Variants in DIP2B observed in about 807,000 individuals in gnomAD.
The protein encoded by DIP2B is disco-interacting protein 2 homolog B.
In DIP2B, 76 loss-of-function variants were observed where a neutral mutation model predicts 198.0. That is an observed-to-expected ratio of 0.38 (90% confidence interval 0.32 to 0.46). The LOEUF (loss-of-function observed/expected upper bound fraction) is 0.46, where lower values mean the gene tolerates loss of function less well. DIP2B is among the 20% of genes least tolerant of loss of function. DIP2B has a pLI of 0.99. For synonymous variants in DIP2B, 701 were observed against 739.1 expected (o/e 0.95, Z 0.84); for missense variants, 1,559 against 1,978.4 (o/e 0.79, Z 4.02).
At chr12:50,599,515 G>A (rs1958917803) in intron 1 of DIP2B, among the ~76,000 whole-genome samples, 1 of 152,038 alleles carries the variant, frequency 6.6e-6, no homozygotes, top group African/African-American at 2.4e-5. Context: ...TACTTGAAAG[G>A]CTGAGGCAGG....
At chr12:50,513,729 C>A (rs986953865) in intron 1 of DIP2B, among the ~76,000 whole-genome samples, 1 of 152,064 alleles carries the variant, frequency 6.6e-6, no homozygotes, top group Non-Finnish European at 1.5e-5. Flanking sequence ...CACAAACTAG[C>A]CGGGCATGGT....
rs369837896 is a variant in DIP2B at position 50,735,005 on chromosome 12, G to A, written c.4044-68G>A. On this transcript the variant is annotated intron_variant, in intron 33 of 37. Coordinates refer to ENST00000301180, the MANE Select transcript of DIP2B (RefSeq NM_173602.3). Reference sequence around the variant, plus strand: ...TTAGAGGTTGTGGGAAGGCAGCACCGAGCTGCAGGAACATGGCGACTTCTC... The same window carrying A: ...TTAGAGGTTGTGGGAAGGCAGCACCAAGCTGCAGGAACATGGCGACTTCTC... The A allele has an allele frequency of 1.3e-3, 2,003 of 1,583,554 alleles. 2 individuals are homozygous for A. The highest frequency in any genetic ancestry group is 1.6e-3 in the Non-Finnish European group (1,808 of 1,152,534).
rs759114514 is a variant in DIP2B at position 50,690,478 on chromosome 12, G to A, written c.1552-571G>A. 3.3e-5 allele frequency among the ~76,000 whole-genome samples: 5 copies of A among 152,252 alleles called. No individual in the cohort carries two copies. The East Asian group carries it at 7.7e-4, about 23-fold the overall frequency. On this transcript the variant is annotated intron_variant, in intron 12 of 37. Coordinates refer to ENST00000301180, the MANE Select transcript of DIP2B (RefSeq NM_173602.3). ...AGCTGGGAGGATTGCTTGAGCCCAG[G>A]AGTTCCAATCCAGCCTGGGCAACAT...
intron 1 of DIP2B, among the ~76,000 whole-genome samples, chr12:50,605,843 TG>T (rs1958976682): frequency 6.6e-6 from 1 of 152,150 alleles, no homozygotes; most frequent in South Asian, 2.1e-4. Context: ...TTTTTTTAGA[TG>T]GAGTTTCACT....
intron 1 of DIP2B, among the ~76,000 whole-genome samples, chr12:50,623,392 T>TACACACACACACAC (rs55689070): frequency 1.1e-5 from 1 of 94,400 alleles, no homozygotes; most frequent in African/African-American, 4.1e-5. Flanking sequence ...TATATGTATC[T>TACACACACACACAC]ACACACACAC....
At chr12:50,627,461 G>A (rs1565849993) in intron 2 of DIP2B, among the ~76,000 whole-genome samples, 1 of 152,112 alleles carries the variant, frequency 6.6e-6, no homozygotes, top group South Asian at 2.1e-4. Context: ...AGCCTCCTGA[G>A]TAGCTGGAAC....
chr12:50,602,832 C>T (rs1269181518), intron 1 of DIP2B, among the ~76,000 whole-genome samples: 1 of 134,252 alleles, frequency 7.4e-6, no homozygotes, highest in Non-Finnish European at 1.5e-5. Flanking sequence ...GCACTCCAGC[C>T]TGGCAACAGA....
chr12:50,604,970 A>G (rs1031937625), intron 1 of DIP2B, among the ~76,000 whole-genome samples: 1 of 152,224 alleles, frequency 6.6e-6, no homozygotes, highest in Admixed American at 6.5e-5. Flanking sequence ...CACAGGAGAT[A>G]AGATACTCAT....
At position 50,671,177 on chromosome 12, in the gene DIP2B, T is replaced by A; in HGVS notation, c.428-9T>A. The A allele has an allele frequency of 6.2e-7, 1 of 1,613,372 alleles. No individual in the cohort carries two copies. The highest frequency in any genetic ancestry group is 8.5e-7 in the Non-Finnish European group (1 of 1,179,736). ...GATCGAGAACTTCTTTTTTTCTAAT[T>A]CCACACAGACACATCTTCGGCCTCT... On this transcript the variant is annotated splice_polypyrimidine_tract_variant and intron_variant, in intron 4 of 37. Coordinates refer to ENST00000301180, the MANE Select transcript of DIP2B (RefSeq NM_173602.3).
chr12:50,646,986 A>G (rs1938361572), intron 3 of DIP2B, among the ~76,000 whole-genome samples: 1 of 142,274 alleles, frequency 7.0e-6, no homozygotes, highest in Admixed American at 7.8e-5. Context: ...AAAATGTTAG[A>G]TTGATAGAGA....
intron 2 of DIP2B, among the ~76,000 whole-genome samples, chr12:50,630,667 T>TC (rs67407714): frequency 2.6e-5 from 2 of 77,268 alleles, no homozygotes; most frequent in East Asian, 5.6e-4. Flanking sequence ...TCTTTTCTTT[T>TC]TTTTTTTTTT....
chr12:50,623,529 GCACACA>G (rs146613951), intron 1 of DIP2B, among the ~76,000 whole-genome samples: 1 of 104,576 alleles, frequency 9.6e-6, no homozygotes, highest in African/African-American at 4.0e-5. Context: ...ACACACACAC[GCACACA>G]CACACACACA....
At chr12:50,613,594 G>A (rs1959049402) in intron 1 of DIP2B, among the ~76,000 whole-genome samples, 1 of 152,156 alleles carries the variant, frequency 6.6e-6, no homozygotes, top group Non-Finnish European at 1.5e-5. Flanking sequence ...ATACAGTGGG[G>A]TAAAAAGAGT....
At position 50,639,612 on chromosome 12, in the gene DIP2B, T is replaced by G. The variant is rs1175814527; in HGVS notation, c.173-1112T>G. ...GAGTCTTTTTTTTTTTTCCTTAATT[T>G]TTTTGCTTTATAGGCTGATTCTCAG... On this transcript the variant is annotated intron_variant, in intron 2 of 37. Transcript: ENST00000301180. Among the ~76,000 whole-genome samples the G allele has an allele frequency of 3.3e-5, 5 of 152,134 alleles. No individual in the cohort carries two copies. The East Asian group carries it at 9.6e-4, about 29-fold the overall frequency.
chr12:50,675,768 C>T lies in DIP2B; in HGVS notation c.916+320C>T, dbSNP rs117234084. Among the ~76,000 whole-genome samples the T allele has an allele frequency of 6.7e-3, 1,014 of 152,262 alleles. 39 individuals carry two copies. The highest frequency in any genetic ancestry group is 0.048 in the Admixed American group (730 of 15,282). On this transcript the variant is annotated intron_variant, in intron 7 of 37. Transcript: ENST00000301180. ...GAGTTATTTATATTTGGCATTTTCT[C>T]GGATGTGGATATCAAATTCAGCCTC...
At chr12:50,560,472 G>T (rs143179386) in intron 1 of DIP2B, among the ~76,000 whole-genome samples, 1 of 152,176 alleles carries the variant, frequency 6.6e-6, no homozygotes, top group Non-Finnish European at 1.5e-5. Context: ...GGAGGCTGAG[G>T]CAGGAGAATC....
At chr12:50,680,977 CT>C in intron 9 of DIP2B, among the ~76,000 whole-genome samples, 1 of 152,284 alleles carries the variant, frequency 6.6e-6, no homozygotes, top group African/African-American at 2.4e-5. Flanking sequence ...ATGTCCTTTC[CT>C]GTAGCTGCCA....
chr12:50,508,100 T>G (rs1428916689), intron 1 of DIP2B, among the ~76,000 whole-genome samples: 1 of 152,204 alleles, frequency 6.6e-6, no homozygotes, highest in Non-Finnish European at 1.5e-5. Flanking sequence ...CAGAGCGTGT[T>G]GCAGAGCCCT....
intron 30 of DIP2B, among the ~76,000 whole-genome samples, chr12:50,729,791 G>A (rs1455770778): frequency 6.8e-6 from 1 of 147,996 alleles, no homozygotes; most frequent in Non-Finnish European, 1.5e-5. Flanking sequence ...GTGCAGTGGT[G>A]CAGTCTCGGC....
Sources: allele counts gnomAD v4.1 joint callset (sites outside exome capture counted in the v4.1 genomes callset), GRCh38; gene constraint gnomAD v4.1.1; transcripts MANE v1.5; gene names NCBI Gene and HGNC (gene_info 2026-07-23, HGNC 2026-07-21).